The following ANKFN1 variants were observed in gnomAD, a reference collection of about 807,000 sequenced individuals.
ANKFN1 encodes ankyrin repeat and fibronectin type III domain containing 1, also known as ankyrin repeat and fibronectin type-III domain-containing protein 1.
A neutral mutation model predicts 108.7 loss-of-function variants in ANKFN1; 74 were observed. That is an observed-to-expected ratio of 0.68 (90% CI 0.56 to 0.83). The LOEUF is 0.83. ANKFN1 is among the 40% of genes least tolerant of loss of function. ANKFN1 has a pLI of 0.00. For missense variants in ANKFN1, 1,505 were observed against 1,382.3 expected, an observed-to-expected ratio of 1.09 and a Z score of -1.41; for synonymous variants, 547 against 516.2, an observed-to-expected ratio of 1.06 and a Z score of -0.81.
At chr17:56,195,219 C>T (rs1913399230) in intron 1 of ANKFN1, 1 of 152,148 alleles carries the variant, frequency 6.6e-6, no homozygotes, top group Admixed American at 6.6e-5. Context: ...TTTGGTGCTC[C>T]CATGCACTTT....
chr17:56,135,177 T>C (rs371749786), intron 4 of ANKFN1, among the ~76,000 whole-genome samples: 1 of 152,240 alleles, frequency 6.6e-6, no homozygotes, highest in East Asian at 1.9e-4. Context: ...TTATTCATTC[T>C]AGCTTATCCT....
rs527590140 is a variant in ANKFN1, at chr17:56,116,457, G to A, written c.288+70132G>A. Among the ~76,000 whole-genome samples the A allele has an allele frequency of 2.0e-5, 3 of 152,272 alleles. No individual in the cohort carries two copies. The East Asian group carries it at 5.8e-4, about 29-fold the overall frequency. On this transcript the variant is annotated intron_variant, in intron 4 of 12. Coordinates refer to the ANKFN1 transcript ENST00000635860. ...CAGTGTTGCAGATGGGGCCTAATGG[G>A]AGGTGTTCAGATTATGGGGGCAGAT...
At chr17:56,369,977 A>G (rs2046766055) in intron 6 of ANKFN1, among the ~76,000 whole-genome samples, 1 of 152,188 alleles carries the variant, frequency 6.6e-6, no homozygotes, top group Non-Finnish European at 1.5e-5. Context: ...CTTCTCCATA[A>G]TAGACCTATT....
At chr17:56,351,773 T>A (rs1265868242) in intron 5 of ANKFN1, among the ~76,000 whole-genome samples, 1 of 152,154 alleles carries the variant, frequency 6.6e-6, no homozygotes, top group Non-Finnish European at 1.5e-5. Context: ...CATATAATAG[T>A]TTCTCAGAAC....
chr17:56,268,848 T>G (rs1429567230), intron 3 of ANKFN1, among the ~76,000 whole-genome samples: 1 of 152,176 alleles, frequency 6.6e-6, no homozygotes, highest in Admixed American at 6.5e-5. Context: ...TCTGCAAATT[T>G]TTATTAAATT....
intron 2 of ANKFN1, among the ~76,000 whole-genome samples, chr17:56,220,835 GAA>G (rs1409406544): frequency 1.2e-3 from 47 of 40,838 alleles, no homozygotes; most frequent in African/African-American, 2.9e-3. Context: ...AGGAAGGGAG[GAA>G]GGGAGGGAGG....
At chr17:56,108,155 C>T (rs929469895) in intron 4 of ANKFN1, among the ~76,000 whole-genome samples, 8 of 152,344 alleles carry the variant, frequency 5.3e-5, no homozygotes, top group African/African-American at 1.9e-4. Flanking sequence ...CCTGCCTCAG[C>T]CTCCTGAGTG....
At chr17:56,237,936 G>A (rs1917280846) in intron 3 of ANKFN1, among the ~76,000 whole-genome samples, 1 of 151,940 alleles carries the variant, frequency 6.6e-6, no homozygotes. Context: ...TCCCACTGAA[G>A]GCTGATTGAA....
chr17:56,399,844 TA>T (rs367871338), intron 8 of ANKFN1, among the ~76,000 whole-genome samples: 78,846 of 111,848 alleles, frequency 0.7, 25,141 homozygotes, highest in East Asian at 0.87. Flanking sequence ...TTCCATTTTT[TA>T]TATATATATA....
intron 15 of ANKFN1, among the ~76,000 whole-genome samples, chr17:56,467,445 C>CA (rs1322793170): frequency 6.6e-6 from 1 of 151,824 alleles, no homozygotes; most frequent in Admixed American, 6.6e-5. Context: ...TTTGGGAGGC[C>CA]AAGGCAGGCA....
chr17:56,480,785 T>G lies in ANKFN1; in HGVS notation c.2058T>G (p.Ala686=). The G allele has an allele frequency of 1.9e-6, 3 of 1,613,938 alleles. No individual in the cohort carries two copies. The highest frequency in any genetic ancestry group is 2.5e-6 in the Non-Finnish European group (3 of 1,179,938). The change falls in exon 17 of 21, where the codon GCT becomes GCG. Residue 686 remains alanine (A), a synonymous_variant. Transcript: ENST00000682825. ...ACGAGCTCCAGATGGCAGTGAAAGC[T>G]CTCCTTCAGCAGATCAATATACCTC... ...FFYELQMAVK[A]LLQQINIPLH... is the part of the protein sequence containing the mutation.
At chr17:56,160,008 C>T (rs897302102) in intron 1 of ANKFN1, among the ~76,000 whole-genome samples, 2 of 152,120 alleles carry the variant, frequency 1.3e-5, no homozygotes, top group African/African-American at 4.8e-5. Flanking sequence ...GTGTTAATCT[C>T]CTGCTGTGTG....
chr17:56,301,165 A>G (rs1449218511), intron 3 of ANKFN1, among the ~76,000 whole-genome samples: 1 of 152,190 alleles, frequency 6.6e-6, no homozygotes, highest in Non-Finnish European at 1.5e-5. Flanking sequence ...GCAGGCAGAA[A>G]TGTCCCATGT....
intron 8 of ANKFN1, among the ~76,000 whole-genome samples, chr17:56,422,510 C>A (rs1478254638): frequency 6.6e-6 from 1 of 152,022 alleles, no homozygotes; most frequent in African/African-American, 2.4e-5. Context: ...CACACGCATG[C>A]ACGCACACAC....
chr17:56,481,227 A>G lies in ANKFN1; in HGVS notation c.2091+409A>G, dbSNP rs188484859. ...TGATTTCTCTAAGAATAGAAGGATA[A>G]CGGTGGTATAATCTACAGCAATGTC... On this transcript the variant is annotated intron_variant, in intron 17 of 20. Transcript: ENST00000682825. Among the ~76,000 whole-genome samples, 956 of 152,268 alleles carry G rather than the reference A, an allele frequency of 6.3e-3. 5 individuals carry two copies. Among genetic ancestry groups the G allele is most frequent in the Non-Finnish European group, 0.012 (810 of 68,022 alleles).
intron 14 of ANKFN1, among the ~76,000 whole-genome samples, chr17:56,461,003 A>G (rs1276583534): frequency 6.6e-6 from 1 of 152,238 alleles, no homozygotes; most frequent in African/African-American, 2.4e-5. Context: ...TGATGCTGCC[A>G]AAGCTGGAGC....
chr17:56,329,664 C>A (rs747511540), intron 4 of ANKFN1, among the ~76,000 whole-genome samples: 4 of 152,174 alleles, frequency 2.6e-5, no homozygotes, highest in Non-Finnish European at 4.4e-5. Context: ...TAATAATAGT[C>A]ATTCCTTCAC....
At chr17:56,099,431 C>G (rs1905596535) in intron 4 of ANKFN1, among the ~76,000 whole-genome samples, 1 of 152,192 alleles carries the variant, frequency 6.6e-6, no homozygotes, top group South Asian at 2.1e-4. Context: ...TCATTCCACT[C>G]TAACTCATCA....
chr17:56,203,128 C>G (rs1253709575), intron 1 of ANKFN1, among the ~76,000 whole-genome samples: 1 of 152,148 alleles, frequency 6.6e-6, no homozygotes, highest in African/African-American at 2.4e-5. Flanking sequence ...GATGAATACT[C>G]TCTCTCTTAA....
Sources: gnomAD v4.1 joint callset for allele counts (sites outside exome capture counted in the v4.1 genomes callset) on GRCh38, gnomAD v4.1.1 for gene constraint, MANE v1.5 for transcripts, NCBI Gene and HGNC (gene_info 2026-07-23, HGNC 2026-07-21) for gene names.